The following CDH13 variants were observed in gnomAD, a reference collection of about 807,000 sequenced individuals.
CDH13 encodes the protein cadherin-13.
Under a neutral mutation model 63.8 loss-of-function variants are expected in CDH13, and 24 were observed. The ratio of observed to expected loss-of-function variants is 0.38; its 90% CI spans 0.27 to 0.53. The LOEUF is 0.53. Ranked by LOEUF, CDH13 falls within the 20% of genes least tolerant of loss-of-function variation. The pLI is 0.85. For missense variants in CDH13, 1,049 were observed against 903.1 expected (o/e 1.16, Z -2.07); for synonymous variants, 503 against 355.3 (o/e 1.42, Z -4.67).
At chr16:82,810,833 A>G (rs907247286) in intron 1 of CDH13, among the ~76,000 whole-genome samples, 1 of 151,934 alleles carries the variant, frequency 6.6e-6, no homozygotes, top group Non-Finnish European at 1.5e-5. Flanking sequence ...TCATCCTAAG[A>G]AGAGTGAGAA....
intron 2 of CDH13, among the ~76,000 whole-genome samples, chr16:82,883,535 T>C (rs2040779052): frequency 6.6e-6 from 1 of 152,196 alleles, no homozygotes; most frequent in Admixed American, 6.5e-5. Flanking sequence ...GGTATGAGGA[T>C]TACACTGAAA....
intron 6 of CDH13, among the ~76,000 whole-genome samples, chr16:83,409,648 C>T (rs2092098201): frequency 1.3e-5 from 2 of 152,230 alleles, no homozygotes; most frequent in Admixed American, 6.5e-5. Flanking sequence ...ATGCATCTGC[C>T]TAGCCTATTT....
rs2039490632 is a variant in CDH13 at position 82,851,612 on chromosome 16, A to G, written c.46-6750A>G. 2.0e-5 allele frequency among the ~76,000 whole-genome samples: 3 copies of G among 152,000 alleles called. No individual in the cohort carries two copies. The East Asian group carries it at 5.8e-4, about 29-fold the overall frequency. ...TGTGTTCCTGGGGCTGTAAAACACC[A>G]GGAACATTTTAAGGAGGTCAGACTC... On this transcript the variant is annotated intron_variant, in intron 1 of 13. Transcript: ENST00000567109.
At chr16:83,578,742 ATAGT>A (rs1475657061) in intron 7 of CDH13, among the ~76,000 whole-genome samples, 1 of 152,244 alleles carries the variant, frequency 6.6e-6, no homozygotes, top group Non-Finnish European at 1.5e-5. Context: ...ATTCAGAGCA[ATAGT>A]TAGCACAATA....
chr16:83,531,895 A>G (rs1965356475), intron 7 of CDH13, among the ~76,000 whole-genome samples: 2 of 152,172 alleles, frequency 1.3e-5, no homozygotes, highest in South Asian at 4.1e-4. Flanking sequence ...TAGGGCAGTC[A>G]CAAGAAGCTC....
chr16:83,262,748 A>T (rs976043555), intron 5 of CDH13, among the ~76,000 whole-genome samples: 2 of 152,212 alleles, frequency 1.3e-5, no homozygotes, highest in African/African-American at 4.8e-5. Flanking sequence ...CACTAGAATA[A>T]CTTGTAACAA....
rs141384046 is a variant in CDH13 at position 82,979,414 on chromosome 16, T to C, written c.158-52596T>C. On this transcript the variant is annotated intron_variant, in intron 2 of 13. Coordinates refer to ENST00000567109, the MANE Select transcript of CDH13 (RefSeq NM_001257.5). ...CTCATCCAAATTTCATCTTGAATTA[T>C]AGTTCCTGTAATCCCTACATGTGGT... Among the ~76,000 whole-genome samples, 918 of 152,288 alleles carry C rather than the reference T, an allele frequency of 6.0e-3. 5 individuals carry two copies. Among genetic ancestry groups the C allele is most frequent in the Middle Eastern group, 0.024 (7 of 294 alleles).
intron 4 of CDH13, among the ~76,000 whole-genome samples, chr16:83,155,247 G>C (rs369346777): frequency 1.3e-5 from 2 of 149,986 alleles, no homozygotes; most frequent in East Asian, 2.0e-4. Context: ...TCAAGTGTAG[G>C]TCTGGATGGA....
intron 4 of CDH13, among the ~76,000 whole-genome samples, chr16:83,185,474 T>C (rs945304457): frequency 1.3e-5 from 2 of 152,200 alleles, no homozygotes; most frequent in Non-Finnish European, 2.9e-5. Flanking sequence ...GACTTCAAAA[T>C]CAGTTTGTCA....
intron 7 of CDH13, among the ~76,000 whole-genome samples, chr16:83,563,922 T>C (rs1479905829): frequency 3.3e-5 from 5 of 152,192 alleles, no homozygotes; most frequent in South Asian, 2.1e-4. Flanking sequence ...TCCTGGAATC[T>C]GAGAGATCCA....
chr16:83,488,153 C>G (rs145521967), intron 7 of CDH13, among the ~76,000 whole-genome samples: 38 of 152,278 alleles, frequency 2.5e-4, no homozygotes, highest in African/African-American at 8.9e-4. Flanking sequence ...CAGTCACAGA[C>G]ACATCTCAAG....
At chr16:82,854,982 G>T (rs1042503038) in intron 1 of CDH13, among the ~76,000 whole-genome samples, 1 of 152,024 alleles carries the variant, frequency 6.6e-6, no homozygotes, top group Non-Finnish European at 1.5e-5. Context: ...AATGAGGAGT[G>T]AGTGAATGAA....
chr16:83,180,140 T>G (rs961030607), intron 4 of CDH13, among the ~76,000 whole-genome samples: 5 of 132,016 alleles, frequency 3.8e-5, no homozygotes, highest in African/African-American at 1.4e-4. Context: ...AAAAGTAAGG[T>G]TTTTTTTGTT....
chr16:83,636,290 A>G (rs1283901503), intron 8 of CDH13, among the ~76,000 whole-genome samples: 1 of 152,186 alleles, frequency 6.6e-6, no homozygotes, highest in Non-Finnish European at 1.5e-5. Flanking sequence ...AGTATTTCAG[A>G]AAACATTTTT....
chr16:83,326,424 GC>G (rs1402149745), intron 5 of CDH13, among the ~76,000 whole-genome samples: 94 of 141,696 alleles, frequency 6.6e-4, no homozygotes, highest in African/African-American at 2.4e-3. Context: ...CACACTTGGT[GC>G]TTTTTTTTTT....
At chr16:82,895,253 C>G (rs2041212771) in intron 2 of CDH13, among the ~76,000 whole-genome samples, 1 of 152,148 alleles carries the variant, frequency 6.6e-6, no homozygotes, top group Non-Finnish European at 1.5e-5. Context: ...CTTTCTGTCT[C>G]TAAAAATTTA....
At chr16:82,879,378 C>T (rs2040614849) in intron 2 of CDH13, among the ~76,000 whole-genome samples, 2 of 150,918 alleles carry the variant, frequency 1.3e-5, no homozygotes, top group Admixed American at 6.6e-5. Flanking sequence ...CTGATCATGG[C>T]CCCTCAAACC....
At chr16:83,549,096 A>G in intron 7 of CDH13, among the ~76,000 whole-genome samples, 1 of 152,126 alleles carries the variant, frequency 6.6e-6, no homozygotes, top group East Asian at 1.9e-4. Context: ...GAAGAGACCC[A>G]GGTGACCTGG....
intron 8 of CDH13, among the ~76,000 whole-genome samples, chr16:83,649,951 C>T (rs568872135): frequency 2.4e-4 from 36 of 152,296 alleles, no homozygotes; most frequent in Middle Eastern, 3.4e-3. Flanking sequence ...GGATGACATG[C>T]CATTTTTTCT....
Sources: gnomAD v4.1 joint callset for allele counts (sites outside exome capture counted in the v4.1 genomes callset) on GRCh38, gnomAD v4.1.1 for gene constraint, MANE v1.5 for transcripts, NCBI Gene and HGNC (gene_info 2026-07-23, HGNC 2026-07-21) for gene names.